The following GRM7 variants were observed in gnomAD, a reference collection of about 807,000 sequenced individuals.
GRM7 encodes the protein glutamate metabotropic receptor 7.
In GRM7, 35 loss-of-function variants were observed where a neutral mutation model predicts 84.5. That is an observed-to-expected ratio of 0.41 (90% CI 0.32 to 0.55). The LOEUF (loss-of-function observed/expected upper bound fraction) is 0.55. GRM7 is among the 20% of genes least tolerant of loss of function. The probability of loss-of-function intolerance (pLI) is 0.19; values close to 1 mark genes in which losing one functional copy is unlikely to be tolerated. For synonymous variants in GRM7, 487 were observed against 455.1 expected (o/e 1.07, Z -0.89); for missense variants, 1,003 against 1,194.6 (o/e 0.84, Z 2.36).
chr3:7,566,907 T>C (rs188485451), intron 7 of GRM7, among the ~76,000 whole-genome samples: 3 of 152,338 alleles, frequency 2.0e-5, no homozygotes, highest in African/African-American at 7.2e-5. Context: ...TGGCCAACTA[T>C]TCAATTTCTC....
intron 1 of GRM7, among the ~76,000 whole-genome samples, chr3:7,096,332 A>G (rs1698859673): frequency 6.6e-6 from 1 of 152,182 alleles, no homozygotes; most frequent in East Asian, 1.9e-4. Flanking sequence ...TCCCCAGGAC[A>G]CCTGTACTTC....
At chr3:7,638,003 A>G (rs1039038280) in intron 8 of GRM7, among the ~76,000 whole-genome samples, 2 of 152,188 alleles carry the variant, frequency 1.3e-5, no homozygotes, top group East Asian at 1.9e-4. Context: ...GCAAAGTTCT[A>G]TAATTTCTAT....
At chr3:7,379,006 C>A (rs1435740984) in intron 4 of GRM7, among the ~76,000 whole-genome samples, 1 of 152,244 alleles carries the variant, frequency 6.6e-6, no homozygotes, top group South Asian at 2.1e-4. Flanking sequence ...TAGAAAATAC[C>A]TTTATAACGT....
Position 7,400,852 on chromosome 3 carries a change from G to A in GRM7, c.1034-14171G>A, listed in dbSNP as rs143657429. 6.2e-4 allele frequency among the ~76,000 whole-genome samples: 95 copies of A among 152,232 alleles called. 1 individual carries two copies. The highest frequency in any genetic ancestry group is 2.2e-3 in the African/African-American group (91 of 41,552). On this transcript the variant is annotated intron_variant, in intron 4 of 9. Coordinates refer to ENST00000357716, the MANE Select transcript of GRM7 (RefSeq NM_000844.4). ...TTTGGGCAAATTACTTATTCTGTAT[G>A]AGTTTCAGTGTGCACATTCACCAAA...
chr3:7,688,327 G>A (rs1504045), intron 9 of GRM7, among the ~76,000 whole-genome samples: 48,218 of 151,962 alleles, frequency 0.32, 8,439 homozygotes, highest in East Asian at 0.76. Context: ...CACATCATGA[G>A]AGGGGAATAA....
At chr3:7,409,574 GTT>G (rs1695826947) in intron 4 of GRM7, among the ~76,000 whole-genome samples, 1 of 149,950 alleles carries the variant, frequency 6.7e-6, no homozygotes, top group African/African-American at 2.5e-5. Flanking sequence ...TCTGTTTTGT[GTT>G]TGTTTTGTTT....
intron 9 of GRM7, among the ~76,000 whole-genome samples, chr3:7,724,823 A>G (rs2106522007): frequency 6.6e-6 from 1 of 152,300 alleles, no homozygotes; most frequent in African/African-American, 2.4e-5. Flanking sequence ...CAGTGGCACA[A>G]TCATAGCTCA....
chr3:6,991,335 C>T (rs977317035), intron 1 of GRM7, among the ~76,000 whole-genome samples: 15 of 152,304 alleles, frequency 9.8e-5, no homozygotes, highest in African/African-American at 2.2e-4. Context: ...CCTTTCCCAC[C>T]GGACTGATTG....
chr3:7,285,532 G>T (rs927678401), intron 2 of GRM7, among the ~76,000 whole-genome samples: 1 of 152,026 alleles, frequency 6.6e-6, no homozygotes, highest in South Asian at 2.1e-4. Context: ...AATTATAAGG[G>T]GTGGTTGTCC....
intron 2 of GRM7, among the ~76,000 whole-genome samples, chr3:7,221,965 C>T (rs1046851953): frequency 6.6e-6 from 1 of 151,884 alleles, no homozygotes; most frequent in Non-Finnish European, 1.5e-5. Context: ...CGCTACCACA[C>T]CTGGCTAATC....
At chr3:7,127,804 T>A (rs1019121606) in intron 1 of GRM7, among the ~76,000 whole-genome samples, 1 of 152,136 alleles carries the variant, frequency 6.6e-6, no homozygotes, top group African/African-American at 2.4e-5. Context: ...CCAATACTGT[T>A]AGCCTAACCC....
chr3:7,700,440 A>G (rs1464227378), intron 9 of GRM7, among the ~76,000 whole-genome samples: 2 of 152,238 alleles, frequency 1.3e-5, no homozygotes, highest in African/African-American at 4.8e-5. Flanking sequence ...AGATACTCAA[A>G]TAGAGTGCCT....
chr3:6,943,164 T>C (rs1016415383), intron 1 of GRM7, among the ~76,000 whole-genome samples: 2 of 151,970 alleles, frequency 1.3e-5, no homozygotes, highest in Non-Finnish European at 2.9e-5. Flanking sequence ...AGCATATCTT[T>C]TTGTTTTCTT....
chr3:7,145,760 C>T (rs1694087078), intron 1 of GRM7, among the ~76,000 whole-genome samples: 1 of 152,014 alleles, frequency 6.6e-6, no homozygotes, highest in Non-Finnish European at 1.5e-5. Context: ...ATCAGAGGCC[C>T]TTGTGGCCTC....
intron 1 of GRM7, among the ~76,000 whole-genome samples, chr3:6,970,701 C>G (rs1693716301): frequency 6.6e-6 from 1 of 151,970 alleles, no homozygotes; most frequent in South Asian, 2.1e-4. Context: ...AGAGAGAGGC[C>G]AGGCGCAGTG....
intron 1 of GRM7, among the ~76,000 whole-genome samples, chr3:7,066,018 C>A (rs1032668297): frequency 6.6e-6 from 1 of 151,754 alleles, no homozygotes; most frequent in East Asian, 1.9e-4. Flanking sequence ...CTCTGGGATA[C>A]AGCAAAGGCG....
intron 4 of GRM7, among the ~76,000 whole-genome samples, chr3:7,395,990 A>G (rs1695198219): frequency 6.6e-6 from 1 of 152,178 alleles, no homozygotes; most frequent in Non-Finnish European, 1.5e-5. Flanking sequence ...TATATATTAC[A>G]TGTATCAAAA....
chr3:7,610,737 C>T (rs138582234), intron 8 of GRM7, among the ~76,000 whole-genome samples: 10 of 152,280 alleles, frequency 6.6e-5, no homozygotes, highest in Non-Finnish European at 1.2e-4. Context: ...TAGGCTTCCA[C>T]GGCCTCCCGA....
intron 8 of GRM7, among the ~76,000 whole-genome samples, chr3:7,618,055 G>A (rs1318026038): frequency 6.6e-6 from 1 of 152,088 alleles, no homozygotes; most frequent in Non-Finnish European, 1.5e-5. Context: ...CTATAGCACA[G>A]AATTATTGAA....
Sources: allele counts gnomAD v4.1 joint callset (sites outside exome capture counted in the v4.1 genomes callset), GRCh38; gene constraint gnomAD v4.1.1; transcripts MANE v1.5; gene names NCBI Gene and HGNC (gene_info 2026-07-23, HGNC 2026-07-21).